The following STOX2 variants were observed in gnomAD, a reference collection of about 807,000 sequenced individuals.
STOX2 encodes storkhead box 2, also known as storkhead-box protein 2.
In STOX2, 28 loss-of-function variants were observed where a neutral mutation model predicts 60.9. The observed-to-expected ratio is 0.46, with a 90% CI of 0.34 to 0.63. The LOEUF is 0.63. Ranked by LOEUF, STOX2 falls within the 30% of genes least tolerant of loss-of-function variation. The pLI is 0.01. For synonymous variants in STOX2, 472 were observed against 463.9 expected (o/e 1.02, Z -0.22); for missense variants, 1,024 against 1,187.7 (o/e 0.86, Z 2.03).
Position 183,906,801 on chromosome 4 carries a change from C to T in STOX2, c.11C>T (p.Thr4Ile), listed in dbSNP as rs1241389157. MKKTRSTTLRRAWP... is the reference protein window; with the variant it reads MKKIRSTTLRRAWP... ...GTCGCCCTCCCCACCATGAAGAAGACCCGGAGCACAACCTTGCGGCGAGCC... is the reference window on the plus strand; with the variant it reads ...GTCGCCCTCCCCACCATGAAGAAGATCCGGAGCACAACCTTGCGGCGAGCC... Residue 4 changes from threonine to isoleucine, a missense_variant, in exon 1 of 4, where the codon ACC (threonine) becomes ATC (isoleucine). Around this residue, in one of 3 missense-constraint regions of STOX2, gnomAD observed 98 missense variants for 110.2 expected, o/e 0.89. Coordinates refer to ENST00000308497, the MANE Select transcript of STOX2 (RefSeq NM_020225.3). 5 of 1,547,290 alleles carry T rather than the reference C, an allele frequency of 3.2e-6. No individual in the cohort carries two copies. Among genetic ancestry groups the T allele is most frequent in the African/African-American group, 2.8e-5 (2 of 72,434 alleles).
rs767369808 is a variant in STOX2, at chr4:184,010,734, G to A, written c.1896G>A (p.Gly632=). The A allele has an allele frequency of 1.6e-5, 25 of 1,594,918 alleles. 2 individuals are homozygous for A. In the South Asian group the frequency reaches 2.9e-4, roughly 18 times the overall value. The change falls in exon 3 of 4, where the codon GGG becomes GGA. Residue 632 remains glycine (G), a synonymous_variant. Transcript: ENST00000308497. The surrounding 1 kb of genome is among the most constrained non-coding windows in gnomAD (Gnocchi z 4.5). The part of the protein sequence containing the change: ...EDHDTLTLAE[G]VKKLSPSDRQ... ...ATGACACTCTGACTTTGGCAGAAGG[G>A]GTGAAAAAGCTCTCCCCTTCTGATA...
chr4:184,000,632 C>T (rs1733547718), intron 1 of STOX2, among the ~76,000 whole-genome samples: 1 of 152,184 alleles, frequency 6.6e-6, no homozygotes, highest in Non-Finnish European at 1.5e-5. Flanking sequence ...CCCAGCCCCG[C>T]AGGGACACAC....
In STOX2 at chr4:184,011,463, G is replaced by A. The variant is rs552259617; in HGVS notation, c.2585+40G>A. ...CTCTGTGCACACACATGCGCCTAGC[G>A]GGGCCTGGGGCTTTATGCACGTAAC... On this transcript the variant is annotated intron_variant, in intron 3 of 3. Coordinates refer to ENST00000308497, the MANE Select transcript of STOX2 (RefSeq NM_020225.3). This position sits in a 1 kb window ranked among gnomAD's most constrained non-coding sequence, Gnocchi z 4.4. 1.9e-5 allele frequency: 30 copies of A among 1,588,364 alleles called. No individual in the cohort carries two copies. In the South Asian group the frequency reaches 2.1e-4, roughly 11 times the overall value.
At chr4:183,986,921 T>A (rs896359600) in intron 1 of STOX2, among the ~76,000 whole-genome samples, 1 of 152,136 alleles carries the variant, frequency 6.6e-6, no homozygotes, top group Non-Finnish European at 1.5e-5. Context: ...GGGCGCCTTA[T>A]GAAGAGCTTC....
chr4:183,998,339 C>T (rs915391860), intron 1 of STOX2, among the ~76,000 whole-genome samples: 1 of 152,138 alleles, frequency 6.6e-6, no homozygotes, highest in Non-Finnish European at 1.5e-5. Context: ...CTTAGCACCT[C>T]TGTAAGAAAG....
At chr4:183,854,409 A>G (rs940270420) in intron 1 of STOX2, among the ~76,000 whole-genome samples, 4 of 152,224 alleles carry the variant, frequency 2.6e-5, no homozygotes, top group African/African-American at 9.6e-5. Flanking sequence ...CAAGTTTCAC[A>G]TCAGATGTTT....
chr4:183,889,117 C>T (rs906995272), intron 1 of STOX2, among the ~76,000 whole-genome samples: 7 of 151,884 alleles, frequency 4.6e-5, no homozygotes, highest in Admixed American at 1.3e-4. Context: ...CGACACTGAT[C>T]GGGGTTGAAC....
At chr4:183,841,625 C>A (rs1443522338) in intron 1 of STOX2, among the ~76,000 whole-genome samples, 1 of 152,114 alleles carries the variant, frequency 6.6e-6, no homozygotes, top group African/African-American at 2.4e-5. Flanking sequence ...TTGCCTTGCT[C>A]ACTATTTTTG....
At chr4:183,884,658 A>G (rs915308764) in intron 1 of STOX2, among the ~76,000 whole-genome samples, 2 of 152,168 alleles carry the variant, frequency 1.3e-5, no homozygotes, top group South Asian at 4.2e-4. Context: ...AGCCGCGAGC[A>G]GGTGTTGAAT....
Position 183,825,474 on chromosome 4 carries a change from A to G in STOX2, c.364+27419A>G, listed in dbSNP as rs1739403994. Among the ~76,000 whole-genome samples, 1 of 152,168 alleles carries G rather than the reference A, an allele frequency of 6.6e-6. No homozygotes were observed. Among genetic ancestry groups the G allele is most frequent in the South Asian group, 2.1e-4 (1 of 4,832 alleles). On this transcript the variant is annotated intron_variant, in intron 1 of 2. Coordinates refer to the STOX2 transcript ENST00000513034. The surrounding 1 kb of genome is among the most constrained non-coding windows in gnomAD (Gnocchi z 4.1). ...TCCCTGGACCGCAAAACAGGCTTGC[A>G]CTGGGTGGCAGGCAACCTTCAATGG...
At chr4:183,920,588 C>A (rs1402528867) in intron 1 of STOX2, among the ~76,000 whole-genome samples, 3 of 152,134 alleles carry the variant, frequency 2.0e-5, no homozygotes, top group Admixed American at 6.5e-5. Flanking sequence ...TAAAAATAAT[C>A]TCTTCTTAGC....
chr4:183,924,440 G>A (rs1742184386), intron 1 of STOX2, among the ~76,000 whole-genome samples: 1 of 152,088 alleles, frequency 6.6e-6, no homozygotes, highest in African/African-American at 2.4e-5. Context: ...AGCCCAGCAG[G>A]AAAGGACAAG....
chr4:183,888,221 GA>G (rs1345946253), intron 1 of STOX2, among the ~76,000 whole-genome samples: 1 of 152,178 alleles, frequency 6.6e-6, no homozygotes, highest in Non-Finnish European at 1.5e-5. Context: ...CTCTGAGCAA[GA>G]ACCCCTCCTT....
intron 1 of STOX2, among the ~76,000 whole-genome samples, chr4:183,885,950 G>C (rs1741068283): frequency 6.6e-6 from 1 of 152,224 alleles, no homozygotes; most frequent in Non-Finnish European, 1.5e-5. Flanking sequence ...CAGCTTATGA[G>C]TCTGCAGAGA....
At chr4:183,909,459 T>C (rs1741716533) in intron 1 of STOX2, among the ~76,000 whole-genome samples, 1 of 152,240 alleles carries the variant, frequency 6.6e-6, no homozygotes. Flanking sequence ...GGTATCCTTA[T>C]ACTTGATTTT....
At chr4:183,912,391 C>G (rs958442827) in intron 1 of STOX2, among the ~76,000 whole-genome samples, 1 of 152,182 alleles carries the variant, frequency 6.6e-6, no homozygotes, top group Admixed American at 6.5e-5. Flanking sequence ...CTTCTCTTTC[C>G]CCCACTGTTC....
At chr4:183,941,418 A>G (rs1054043190) in intron 1 of STOX2, among the ~76,000 whole-genome samples, 1 of 152,168 alleles carries the variant, frequency 6.6e-6, no homozygotes, top group African/African-American at 2.4e-5. Flanking sequence ...AAATACAAAA[A>G]TTAGCCAGGC....
intron 1 of STOX2, among the ~76,000 whole-genome samples, chr4:183,918,302 A>G (rs1022456460): frequency 4.6e-5 from 7 of 152,220 alleles, no homozygotes; most frequent in Admixed American, 4.6e-4. Context: ...TGAACTTCCA[A>G]CTAAGGAAAA....
rs191854823 is a variant in STOX2 at position 183,880,461 on chromosome 4, A to C, written c.364+82406A>C. Among the ~76,000 whole-genome samples, 16 of 152,352 alleles carry C rather than the reference A, an allele frequency of 1.1e-4. No homozygotes were observed. In the East Asian group the frequency reaches 3.1e-3, roughly 29 times the overall value. ...AGAAGTCTTTTCATGGAGGAGAAAAACTGTGAATTTTGCAGAACGATTGAT... is the reference window on the plus strand; with the variant it reads ...AGAAGTCTTTTCATGGAGGAGAAAACCTGTGAATTTTGCAGAACGATTGAT... On this transcript the variant is annotated intron_variant, in intron 1 of 2. Coordinates refer to the STOX2 transcript ENST00000513034.
Sources: allele counts gnomAD v4.1 joint callset (sites outside exome capture counted in the v4.1 genomes callset), GRCh38; gene constraint gnomAD v4.1.1; regional missense constraint gnomAD v4.1.1; non-coding constraint Gnocchi (gnomAD v3.1); transcripts MANE v1.5; gene names NCBI Gene and HGNC (gene_info 2026-07-23, HGNC 2026-07-21).